Variants in CHODL observed in about 807,000 individuals in gnomAD.
CHODL encodes transmembrane protein MT75.
A neutral mutation model predicts 34.5 loss-of-function variants in CHODL; 29 were observed. The observed-to-expected ratio is 0.84, with a 90% confidence interval of 0.63 to 1.15. CHODL has a LOEUF of 1.15. Among genes scored for constraint, CHODL ranks in the 50% most tolerant of loss-of-function variants. CHODL has a pLI of 0.00. For synonymous variants in CHODL, 125 were observed against 116.1 expected (o/e 1.08, Z -0.49); for missense variants, 332 against 332.5 (o/e 1.00, Z 0.01).
intron 2 of CHODL, among the ~76,000 whole-genome samples, chr21:18,116,544 C>A (rs1418008281): frequency 6.6e-6 from 1 of 152,108 alleles, no homozygotes; most frequent in African/African-American, 2.4e-5. Context: ...CTTTTATTTT[C>A]TTTTTTGTTT....
At chr21:18,109,492 A>G (rs183717670) in intron 2 of CHODL, among the ~76,000 whole-genome samples, 9 of 152,298 alleles carry the variant, frequency 5.9e-5, no homozygotes, top group Non-Finnish European at 1.5e-5. Context: ...AGCTGTGGCA[A>G]TGGCTCAGGA....
intron 2 of CHODL, among the ~76,000 whole-genome samples, chr21:18,101,842 T>C (rs528473175): frequency 1.7e-3 from 257 of 152,212 alleles, no homozygotes; most frequent in African/African-American, 6.1e-3. Flanking sequence ...ATATTTAGTT[T>C]CCATAATGAA....
intron 2 of CHODL, among the ~76,000 whole-genome samples, chr21:18,091,548 G>A (rs897311369): frequency 1.3e-5 from 2 of 152,160 alleles, no homozygotes; most frequent in Non-Finnish European, 2.9e-5. Flanking sequence ...ATAGGGCACT[G>A]AGCAGACTCA....
At chr21:17,926,993 C>CAT (rs999808368) in intron 1 of CHODL, among the ~76,000 whole-genome samples, 2 of 150,594 alleles carry the variant, frequency 1.3e-5, no homozygotes, top group South Asian at 2.1e-4. Context: ...CACACACACA[C>CAT]GCACACACAC....
At chr21:18,077,411 T>C (rs939045595) in intron 2 of CHODL, among the ~76,000 whole-genome samples, 8 of 152,170 alleles carry the variant, frequency 5.3e-5, no homozygotes, top group African/African-American at 1.9e-4. Context: ...GTTAAGATTT[T>C]GGAGCTATTG....
intron 2 of CHODL, among the ~76,000 whole-genome samples, chr21:18,160,407 G>C (rs1349557296): frequency 1.2e-4 from 18 of 151,892 alleles, no homozygotes; most frequent in Middle Eastern, 3.2e-3. Context: ...TTGTGTCATG[G>C]GGGTTTGTTG....
intron 2 of CHODL, among the ~76,000 whole-genome samples, chr21:18,173,922 C>T (rs1009519514): frequency 4.6e-5 from 7 of 151,060 alleles, no homozygotes; most frequent in Admixed American, 2.0e-4. Context: ...TTGACCCAAT[C>T]TTGACTTGTT....
chr21:18,138,255 A>G (rs995557686), intron 2 of CHODL, among the ~76,000 whole-genome samples: 57 of 151,976 alleles, frequency 3.8e-4, no homozygotes, highest in African/African-American at 1.4e-3. Flanking sequence ...TATATTTTGG[A>G]ATTTGATCAT....
intron 1 of CHODL, among the ~76,000 whole-genome samples, chr21:17,989,794 C>T (rs1435363872): frequency 6.6e-6 from 1 of 152,134 alleles, no homozygotes; most frequent in East Asian, 1.9e-4. Context: ...TAAATTGGTA[C>T]TACGGACTAA....
chr21:17,970,478 A>G (rs2146361799), intron 1 of CHODL, among the ~76,000 whole-genome samples: 1 of 152,270 alleles, frequency 6.6e-6, no homozygotes, highest in Admixed American at 6.5e-5. Context: ...GCCTTAACTA[A>G]AGAGAAGAAG....
At chr21:17,997,499 G>T (rs1280658292) in intron 1 of CHODL, among the ~76,000 whole-genome samples, 1 of 152,184 alleles carries the variant, frequency 6.6e-6, no homozygotes, top group South Asian at 2.1e-4. Flanking sequence ...ATGGAGATGG[G>T]TAGTAGATTC....
intron 2 of CHODL, among the ~76,000 whole-genome samples, chr21:18,122,580 C>T (rs1023322688): frequency 2.6e-5 from 4 of 152,016 alleles, no homozygotes; most frequent in Non-Finnish European, 4.4e-5. Context: ...TGGGCTCTTC[C>T]AATGCCAGAG....
chr21:18,063,026 A>G (rs986698293), intron 2 of CHODL, among the ~76,000 whole-genome samples: 3 of 152,214 alleles, frequency 2.0e-5, no homozygotes, highest in African/African-American at 7.2e-5. Flanking sequence ...AAAAAGCAGA[A>G]TATGGCTGGT....
intron 2 of CHODL, among the ~76,000 whole-genome samples, chr21:18,193,710 ATAAAATAAAT>A (rs2073543827): frequency 7.0e-6 from 1 of 143,238 alleles, no homozygotes; most frequent in Admixed American, 7.2e-5. Flanking sequence ...AAAAAAAAAA[ATAAAATAAAT>A]AAATAAATAA....
intron 2 of CHODL, among the ~76,000 whole-genome samples, chr21:18,198,924 T>A: frequency 6.6e-6 from 1 of 152,260 alleles, no homozygotes; most frequent in East Asian, 1.9e-4. Context: ...ATATACAATA[T>A]TATAAAATTA....
intron 2 of CHODL, among the ~76,000 whole-genome samples, chr21:18,043,483 C>G (rs1413165724): frequency 6.6e-6 from 1 of 151,856 alleles, no homozygotes; most frequent in Admixed American, 6.6e-5. Context: ...CCAGTAGACC[C>G]AGGATGTGTG....
At chr21:18,231,912 A>C (rs953926114) in intron 2 of CHODL, among the ~76,000 whole-genome samples, 14 of 151,946 alleles carry the variant, frequency 9.2e-5, no homozygotes, top group Non-Finnish European at 1.9e-4. Context: ...ATATAGTTTT[A>C]TATAATAAAA....
chr21:17,957,363 C>A (rs371692988), intron 1 of CHODL, among the ~76,000 whole-genome samples: 7 of 152,148 alleles, frequency 4.6e-5, no homozygotes, highest in South Asian at 4.1e-4. Context: ...ACTGCTCCCT[C>A]CCTCCATCAA....
chr21:18,106,957 C>T (rs1229895235), intron 2 of CHODL, among the ~76,000 whole-genome samples: 2 of 152,124 alleles, frequency 1.3e-5, no homozygotes, highest in African/African-American at 4.8e-5. Flanking sequence ...AAAGAGTATG[C>T]TTGAAAACTG....
Sources: gnomAD v4.1 joint callset for allele counts (sites outside exome capture counted in the v4.1 genomes callset) on GRCh38, gnomAD v4.1.1 for gene constraint, MANE v1.5 for transcripts, NCBI Gene and HGNC (gene_info 2026-07-23, HGNC 2026-07-21) for gene names.